Variants in CCDC138 observed in about 807,000 individuals in gnomAD.
The protein encoded by CCDC138 is coiled-coil domain containing 138.
CCDC138 carries 66 observed loss-of-function variants against 82.3 expected under a neutral mutation model. The observed-to-expected ratio is 0.80, with a 90% CI of 0.66 to 0.98. CCDC138 has a LOEUF of 0.98. Ranked by LOEUF, CCDC138 falls within the 50% of genes least tolerant of loss-of-function variation. The probability of loss-of-function intolerance (pLI) is 0.00; values close to 1 mark genes in which losing one functional copy is unlikely to be tolerated. For missense variants in CCDC138, 816 were observed against 758.9 expected, an observed-to-expected ratio of 1.08 and a Z score of -0.88; for synonymous variants, 297 against 265.4, an observed-to-expected ratio of 1.12 and a Z score of -1.16.
intron 7 of CCDC138, among the ~76,000 whole-genome samples, chr2:108,809,243 G>A (rs1464462163): frequency 2.0e-5 from 3 of 152,138 alleles, no homozygotes; most frequent in East Asian, 1.9e-4. Flanking sequence ...TTGAGTTTAG[G>A]TAGTGTAATG....
chr2:108,846,789 G>A lies in CCDC138; in HGVS notation c.1375G>A (p.Gly459Arg). ...LRRLGEDIFK[G>R]VVTKGIQDNS... is the part of the protein sequence containing the mutation. ...GAGATTGGGTGAAGACATTTTTAAAGGAGTGGTAACTAAAGGAATTCAGGA... is the reference window on the plus strand; with the variant it reads ...GAGATTGGGTGAAGACATTTTTAAAAGAGTGGTAACTAAAGGAATTCAGGA... Residue 459 changes from glycine (G) to arginine (R), a missense_variant, in exon 12 of 15, where the codon GGA becomes AGA. Physicochemically the swap from Gly to Arg is moderately radical, Grantham distance 125. Coordinates refer to ENST00000295124, the MANE Select transcript of CCDC138 (RefSeq NM_144978.3). 6.2e-7 allele frequency: 1 copy of A among 1,612,854 alleles called. No individual in the cohort carries two copies.
At chr2:108,836,348 C>G (rs1688580707) in intron 10 of CCDC138, among the ~76,000 whole-genome samples, 1 of 152,164 alleles carries the variant, frequency 6.6e-6, no homozygotes. Flanking sequence ...TCCTTCCTTT[C>G]TAAGGTGGAA....
In CCDC138 at chr2:108,847,778, C is replaced by T. The variant is rs564615874; in HGVS notation, c.1516+848C>T. ...GACAGTCATTTAATTTGACTTCTTT[C>T]TTTGAAGTATGTTTCATTTAGTTAC... On this transcript the variant is annotated intron_variant, in intron 12 of 14. Transcript: ENST00000295124. Among the ~76,000 whole-genome samples the T allele has an allele frequency of 2.6e-5, 4 of 152,106 alleles. No individual in the cohort carries two copies. In the South Asian group the frequency reaches 8.3e-4, roughly 32 times the overall value.
rs57196170 is a variant in CCDC138 at position 108,843,886 on chromosome 2, CT to C, written c.1324-2830del. On this transcript the variant is annotated intron_variant, in intron 11 of 14. Coordinates refer to ENST00000295124, the MANE Select transcript of CCDC138 (RefSeq NM_144978.3). ...TGTGTGTGTGTGTGTGTGTTTCTTTCTTTTTTTTTTTTTTTTTTTTTTGAGA... is the reference window on the plus strand; with the variant it reads ...TGTGTGTGTGTGTGTGTGTTTCTTTCTTTTTTTTTTTTTTTTTTTTTGAGA... Among the ~76,000 whole-genome samples the C allele has an allele frequency of 2.6e-3, 241 of 93,958 alleles. 16 individuals carry two copies. Among genetic ancestry groups the C allele is most frequent in the African/African-American group, 7.6e-3 (144 of 18,898 alleles). 61.6% of individuals were successfully genotyped at this position (93,958 alleles called of 152,430 possible). A position where few individuals can be genotyped will look rare whatever the true frequency, so the allele number is the denominator to read the frequency against.
intron 11 of CCDC138, among the ~76,000 whole-genome samples, chr2:108,841,826 A>G (rs1689533731): frequency 4.7e-5 from 7 of 148,842 alleles, no homozygotes; most frequent in Admixed American, 4.7e-4. Context: ...TCTTTGGTTC[A>G]TTTTTCTGCT....
In CCDC138 at chr2:108,876,142, A is replaced by G; in HGVS notation, c.1887A>G (p.Ile629Met). The change falls in exon 15 of 15, where the codon ATA (isoleucine) becomes ATG (methionine). Residue 629 changes from isoleucine (I) to methionine (M), a missense_variant. By Grantham distance (10) the Ile-to-Met change is conservative (BLOSUM62 1). Coordinates refer to ENST00000295124, the MANE Select transcript of CCDC138 (RefSeq NM_144978.3). Reference sequence around the variant, plus strand: ...CGATTCATCTGATGCTTCAAGAAATACAAAGGACAACAAACCCAGAGCATG... The same window carrying G: ...CGATTCATCTGATGCTTCAAGAAATGCAAAGGACAACAAACCCAGAGCATG... Reference protein sequence around the residue: ...LFTIHLMLQEIQRTTNPEHAF... With the variant: ...LFTIHLMLQEMQRTTNPEHAF... 5 of 1,609,320 alleles carry G rather than the reference A, an allele frequency of 3.1e-6. No individual in the cohort carries two copies. The highest frequency in any genetic ancestry group is 3.4e-6 in the Non-Finnish European group (4 of 1,175,782).
intron 10 of CCDC138, among the ~76,000 whole-genome samples, chr2:108,834,315 C>G (rs188174289): frequency 9.5e-4 from 144 of 151,472 alleles, no homozygotes; most frequent in African/African-American, 3.3e-3. Flanking sequence ...CAAGTTCAAG[C>G]AATTCTCTTG....
intron 13 of CCDC138, among the ~76,000 whole-genome samples, chr2:108,868,228 G>A (rs74785434): frequency 9.6e-4 from 146 of 152,224 alleles, no homozygotes; most frequent in Admixed American, 2.0e-3. Context: ...AGTTACTCGC[G>A]ATAGATTTTT....
chr2:108,797,137 T>C (rs999996735), intron 5 of CCDC138, among the ~76,000 whole-genome samples: 3 of 152,094 alleles, frequency 2.0e-5, no homozygotes, highest in African/African-American at 7.2e-5. Flanking sequence ...ATTTTAGCCA[T>C]TGAGTGGATA....
At chr2:108,884,323 G>A (rs1464133173) in intron 2 of CCDC138, 1 of 152,218 alleles carries the variant, frequency 6.6e-6, no homozygotes, top group East Asian at 1.9e-4. Flanking sequence ...CAGGTAGAGA[G>A]GCACTTTGGA....
intron 10 of CCDC138, among the ~76,000 whole-genome samples, chr2:108,835,436 A>C (rs1323802587): frequency 1.3e-5 from 2 of 152,226 alleles, no homozygotes; most frequent in African/African-American, 2.4e-5. Context: ...AATTCATGGA[A>C]CTGTTGATGG....
chr2:108,882,633 AC>A (rs1169947920), intron 1 of CCDC138: 1 of 151,718 alleles, frequency 6.6e-6, no homozygotes, highest in Non-Finnish European at 1.5e-5. Context: ...CTTTTCTCTC[AC>A]CTTTTTTGTT....
Position 108,788,029 on chromosome 2 carries a change from TA to T in CCDC138, c.94-2del. On this transcript the variant is annotated splice_acceptor_variant, in intron 1 of 14. Transcript: ENST00000295124. LOFTEE classifies it high-confidence loss of function. Reference sequence around the variant, plus strand: ...AAATTAAATCTTTTCTTTTTTTTTTTAGTATGATTTTTCAAATTTTTATCAG... The same window carrying T: ...AAATTAAATCTTTTCTTTTTTTTTTTGTATGATTTTTCAAATTTTTATCAG... 5 of 1,530,270 alleles carry T rather than the reference TA, an allele frequency of 3.3e-6. No individual in the cohort carries two copies. The highest frequency in any genetic ancestry group is 4.4e-6 in the Non-Finnish European group (5 of 1,127,110). The allele number at this position is 1,530,270 out of a possible 1,614,324, so 94.8% of individuals were successfully genotyped here.
intron 14 of CCDC138, among the ~76,000 whole-genome samples, chr2:108,874,179 A>G (rs1695685033): frequency 6.6e-6 from 1 of 152,194 alleles, no homozygotes; most frequent in African/African-American, 2.4e-5. Context: ...AGATAAAAGT[A>G]TTTTGCAAAT....
chr2:108,820,216 T>G (rs996854226), intron 10 of CCDC138, among the ~76,000 whole-genome samples: 1 of 152,158 alleles, frequency 6.6e-6, no homozygotes, highest in African/African-American at 2.4e-5. Flanking sequence ...AAGACCAGCC[T>G]GGTCAACATG....
At chr2:108,880,772 A>C (rs1696268993), downstream of CCDC138, among the ~76,000 whole-genome samples, 1 of 152,188 alleles carries the variant, frequency 6.6e-6, no homozygotes, top group Non-Finnish European at 1.5e-5. Context: ...TCCTCTGAAA[A>C]CATTACCACT....
intron 13 of CCDC138, among the ~76,000 whole-genome samples, chr2:108,861,472 C>CT (rs201132350): frequency 0.049 from 5,997 of 122,482 alleles, 1,015 homozygotes; most frequent in African/African-American, 0.12. Context: ...AACTTTCTTC[C>CT]TTTTTTTTTT....
Position 108,873,581 on chromosome 2 carries a change from C to T in CCDC138, c.1824C>T (p.Ser608=), listed in dbSNP as rs1009380761. The T allele has an allele frequency of 6.3e-7, 1 of 1,585,666 alleles. No homozygotes were observed. Among genetic ancestry groups the T allele is most frequent in the Non-Finnish European group, 8.6e-7 (1 of 1,162,768 alleles). The change falls in exon 14 of 15, where the codon TCC becomes TCT. Residue 608 remains serine, a synonymous_variant. Transcript: ENST00000295124. ...EKLSIILQKL[S]KIKSNKKLFE... ...TCAGTATTATTTTACAGAAACTTTC[C>T]AAAATCAAGTAAGAATTTCTTATTT...
At position 108,813,142 on chromosome 2, in the gene CCDC138, G is replaced by A. The variant is rs994163731; in HGVS notation, c.1041+215G>A. 4.0e-5 allele frequency among the ~76,000 whole-genome samples: 6 copies of A among 149,322 alleles called. No individual in the cohort carries two copies. In the East Asian group the frequency reaches 1.0e-3, roughly 25 times the overall value. ...CACACGCCTGTAGTCCCAGCTACTC[G>A]AGAGGCTGAGGCAGGAGAATTGCTG... On this transcript the variant is annotated intron_variant, in intron 9 of 14. Coordinates refer to ENST00000295124, the MANE Select transcript of CCDC138 (RefSeq NM_144978.3).
Sources: allele counts gnomAD v4.1 joint callset (sites outside exome capture counted in the v4.1 genomes callset), GRCh38; gene constraint gnomAD v4.1.1; transcripts MANE v1.5; gene names NCBI Gene and HGNC (gene_info 2026-07-23, HGNC 2026-07-21).